The following COL4A5 variants were observed in gnomAD, a reference collection of about 807,000 sequenced individuals.
COL4A5 encodes collagen type IV alpha 5 chain, also known as collagen alpha-5(IV) chain.
A neutral mutation model predicts 130.2 loss-of-function variants in COL4A5; 26 were observed. The ratio of observed to expected loss-of-function variants is 0.20; its 90% CI spans 0.15 to 0.28. COL4A5 has a LOEUF of 0.28. Among genes scored for constraint, COL4A5 ranks in the 10% least tolerant of loss-of-function variants. The probability of loss-of-function intolerance (pLI) is 1.00; values close to 1 mark genes in which losing one functional copy is unlikely to be tolerated. For missense variants in COL4A5, 1,131 were observed against 1,344.3 expected (o/e 0.84, Z 2.48); for synonymous variants, 496 against 439.6 (o/e 1.13, Z -1.60).
At chrX:108,452,487 C>T (rs949024268) in intron 1 of COL4A5, among the ~76,000 whole-genome samples, 2 of 111,764 alleles carry the variant, frequency 1.8e-5, no homozygotes, top group Non-Finnish European at 3.8e-5. Context: ...TGTTTGTATC[C>T]TCTTTTATTT....
chrX:108,642,848 C>CAAA (rs35804797), intron 36 of COL4A5, among the ~76,000 whole-genome samples: 3 of 34,675 alleles, frequency 8.7e-5, no homozygotes. Flanking sequence ...TCCCCCTCTC[C>CAAA]AAAAAAAAAA....
At chrX:108,510,537 A>G (rs1237933392) in intron 1 of COL4A5, among the ~76,000 whole-genome samples, 1 of 110,931 alleles carries the variant, frequency 9.0e-6, no homozygotes, top group Non-Finnish European at 1.9e-5. Context: ...GTATTCATTT[A>G]TCTTATTTCA....
chrX:108,597,555 C>G lies in COL4A5; in HGVS notation c.1766C>G (p.Pro589Arg), dbSNP rs2066542878. The change falls in exon 24 of 53, where the codon CCG becomes CGG. Residue 589 changes from proline to arginine, a missense_variant. Coordinates refer to ENST00000328300, the MANE Select transcript of COL4A5 (RefSeq NM_033380.3). Reference sequence around the variant, plus strand: ...GATGGATTGCCAGGGCTTCCTGGCCCGAAAGGAGAGCCTGTGAGTTGGTTT... The same window carrying G: ...GATGGATTGCCAGGGCTTCCTGGCCGGAAAGGAGAGCCTGTGAGTTGGTTT... ...GQDGLPGLPG[P>R]KGEPGGITFK... 1 of 1,208,245 alleles carries G rather than the reference C, an allele frequency of 8.3e-7. No individual in the cohort carries two copies. The highest frequency in any genetic ancestry group is 1.8e-5 in the South Asian group (1 of 56,731).
chrX:108,447,651 C>T (rs1422207691), intron 1 of COL4A5, among the ~76,000 whole-genome samples: 1 of 111,397 alleles, frequency 9.0e-6, no homozygotes, highest in Non-Finnish European at 1.9e-5. Context: ...GCCTGTGAGA[C>T]AGACTTAATT....
In COL4A5 at chrX:108,576,805, C is replaced by A. The variant is rs894130617; in HGVS notation, c.609+833C>A. ...TTTGATAACTGCTAGAAGAATCTACCAGAAAAGATTGTGATTTCTGCTTTC... is the reference window on the plus strand; with the variant it reads ...TTTGATAACTGCTAGAAGAATCTACAAGAAAAGATTGTGATTTCTGCTTTC... On this transcript the variant is annotated intron_variant, in intron 10 of 52. Coordinates refer to ENST00000328300, the MANE Select transcript of COL4A5 (RefSeq NM_033380.3). 8.9e-6 allele frequency among the ~76,000 whole-genome samples: 1 copy of A among 111,922 alleles called. No homozygotes were observed. The highest frequency in any genetic ancestry group is 1.9e-5 in the Non-Finnish European group (1 of 53,151).
At chrX:108,527,970 C>T (rs779913263) in intron 1 of COL4A5, among the ~76,000 whole-genome samples, 25 of 112,104 alleles carry the variant, frequency 2.2e-4, no homozygotes, top group African/African-American at 7.8e-4. Context: ...CCATCACCCA[C>T]ACCATGCCAG....
At chrX:108,554,916 T>G (rs1216091016) in intron 2 of COL4A5, among the ~76,000 whole-genome samples, 2 of 112,133 alleles carry the variant, frequency 1.8e-5, no homozygotes, top group African/African-American at 6.5e-5. Context: ...AATAGTATAC[T>G]CTACGCATGT....
intron 42 of COL4A5, 160 bp downstream of exon 42, chrX:108,670,396 C>G (rs2068177364): frequency 1.6e-6 from 1 of 616,445 alleles, no homozygotes; most frequent in Non-Finnish European, 1.9e-6. Context: ...CTTGTAGAAC[C>G]CAGTGTTTCT....
intron 1 of COL4A5, among the ~76,000 whole-genome samples, chrX:108,453,941 A>T (rs982833430): frequency 8.9e-6 from 1 of 112,375 alleles, no homozygotes; most frequent in Non-Finnish European, 1.9e-5. Context: ...AGTCAGAAAC[A>T]TTCTTGCTAC....
chrX:108,632,351 CA>C (rs1183445407), intron 36 of COL4A5, among the ~76,000 whole-genome samples: 4 of 110,217 alleles, frequency 3.6e-5, no homozygotes, highest in Non-Finnish European at 7.6e-5. Context: ...GCCTACCACC[CA>C]AAAGAAGTCC....
chrX:108,685,827 C>A lies in COL4A5; in HGVS notation c.4217-204C>A, dbSNP rs185485246. Among the ~76,000 whole-genome samples, 117 of 112,247 alleles carry A rather than the reference C, an allele frequency of 1.0e-3. 4 individuals are homozygous for A. The East Asian group carries it at 0.032, about 31-fold the overall frequency. On this transcript the variant is annotated intron_variant, in intron 47 of 52. Transcript: ENST00000328300. ...GAGAGCACAACTCCATTAAAAGCAT[C>A]CCAGAAGCAAATGGATTGTTTAAAA...
intron 1 of COL4A5, among the ~76,000 whole-genome samples, chrX:108,525,587 CT>C (rs1214628115): frequency 1.4e-3 from 150 of 109,182 alleles, no homozygotes; most frequent in African/African-American, 4.7e-3. Flanking sequence ...TTACTGCCTT[CT>C]TTTTTTTTAT....
intron 1 of COL4A5, among the ~76,000 whole-genome samples, chrX:108,477,334 T>C (rs770453582): frequency 2.7e-5 from 3 of 111,665 alleles, no homozygotes; most frequent in Non-Finnish European, 3.8e-5. Context: ...ACGCCTAACA[T>C]AATACAGCTA....
At chrX:108,648,275 A>G (rs1189080759) in intron 36 of COL4A5, among the ~76,000 whole-genome samples, 1 of 110,808 alleles carries the variant, frequency 9.0e-6, no homozygotes, top group Non-Finnish European at 1.9e-5. Context: ...AATTACCAAC[A>G]AAAAAAAGTC....
At chrX:108,582,733 A>T in intron 16 of COL4A5, 151 bp from the exon 17 acceptor site, 3 of 394,408 alleles carry the variant, frequency 7.6e-6, no homozygotes, top group East Asian at 4.3e-5. Flanking sequence ...ACACTCCTTG[A>T]ATTGCTGCAA....
At chrX:108,601,522 C>A in intron 26 of COL4A5, 37 bp downstream of exon 26, 1 of 860,838 alleles carries the variant, frequency 1.2e-6, no homozygotes, top group Admixed American at 2.7e-5. Context: ...ACTTCAACAC[C>A]GATGGCTTTT....
chrX:108,439,971 TCCAC>T lies in COL4A5; in HGVS notation c.-154_-151del. 4 of 457,232 alleles carry T rather than the reference TCCAC, an allele frequency of 8.7e-6. No homozygotes were observed. In the Admixed American group the frequency reaches 1.1e-4, roughly 13 times the overall value. The allele number at this position is 457,232 out of a possible 1,213,427, so 37.7% of individuals were successfully genotyped here. On this transcript the variant is annotated 5_prime_UTR_variant, in exon 1 of 53. Coordinates refer to ENST00000328300, the MANE Select transcript of COL4A5 (RefSeq NM_033380.3). ...CTTCTTCTTCTTCTTTTTTTTTTCT[TCCAC>T]TCTTAAAAAGCTTCTTTCTCTTCAC...
chrX:108,579,012 A>G (rs933319227), intron 13 of COL4A5, among the ~76,000 whole-genome samples: 4 of 111,360 alleles, frequency 3.6e-5, no homozygotes, highest in Non-Finnish European at 7.5e-5. Context: ...CTTTATCAAG[A>G]TACAGTCTAC....
At chrX:108,521,231 C>T (rs987144144) in intron 1 of COL4A5, among the ~76,000 whole-genome samples, 1 of 111,101 alleles carries the variant, frequency 9.0e-6, no homozygotes, top group Non-Finnish European at 1.9e-5. Context: ...TCATGTACTG[C>T]ATTTATTTAT....
Sources: allele counts gnomAD v4.1 joint callset (sites outside exome capture counted in the v4.1 genomes callset), GRCh38; gene constraint gnomAD v4.1.1; transcripts MANE v1.5; gene names NCBI Gene and HGNC (gene_info 2026-07-23, HGNC 2026-07-21).